The following XKR6 variants were observed in gnomAD, a reference collection of about 807,000 sequenced individuals.
XKR6 encodes XK-related protein 6.
In XKR6, 22 loss-of-function variants were observed where a neutral mutation model predicts 56.7. The observed-to-expected ratio is 0.39, with a 90% CI of 0.28 to 0.55. XKR6 has a LOEUF of 0.55. Ranked by LOEUF, XKR6 falls within the 20% of genes least tolerant of loss-of-function variation. The pLI is 0.66. For missense variants in XKR6, 852 were observed against 889.0 expected (o/e 0.96, Z 0.53); for synonymous variants, 524 against 387.8 (o/e 1.35, Z -4.13).
chr8:11,050,431 C>G (rs955571106), intron 1 of XKR6, among the ~76,000 whole-genome samples: 3 of 152,076 alleles, frequency 2.0e-5, no homozygotes, highest in African/African-American at 7.2e-5. Flanking sequence ...CCAGCTCCGA[C>G]AGTCTACAAC....
intron 1 of XKR6, among the ~76,000 whole-genome samples, chr8:11,014,916 C>T (rs1798584298): frequency 6.6e-6 from 1 of 152,214 alleles, no homozygotes; most frequent in Non-Finnish European, 1.5e-5. Context: ...GAGAGAAAAG[C>T]TATGTCTTCA....
At chr8:10,961,638 A>G (rs1368966112) in intron 1 of XKR6, among the ~76,000 whole-genome samples, 3 of 152,238 alleles carry the variant, frequency 2.0e-5, no homozygotes, top group Admixed American at 6.5e-5. Context: ...CAGACCCAGC[A>G]CACCTCCAGC....
chr8:11,194,499 TAAG>T (rs1346950975), intron 1 of XKR6: 1 of 152,180 alleles, frequency 6.6e-6, no homozygotes. Context: ...AAGAGGCAAA[TAAG>T]AAATCCAGAA....
intron 1 of XKR6, among the ~76,000 whole-genome samples, chr8:11,121,166 C>G (rs1799437267): frequency 6.6e-6 from 1 of 152,134 alleles, no homozygotes; most frequent in Non-Finnish European, 1.5e-5. Context: ...GCAATGGCAA[C>G]AAAAGCCAAA....
chr8:11,105,970 A>C (rs553053341), intron 1 of XKR6: 1 of 152,378 alleles, frequency 6.6e-6, no homozygotes, highest in Admixed American at 6.5e-5. Context: ...GCTTTTAAAT[A>C]ATTAGGCCAC....
Position 11,201,791 on chromosome 8 carries a change from C to T in XKR6, c.-452G>A, listed in dbSNP as rs534611880. Among the ~76,000 whole-genome samples the T allele has an allele frequency of 1.2e-4, 18 of 152,220 alleles. No individual in the cohort carries two copies. Among genetic ancestry groups the T allele is most frequent in the African/African-American group, 3.6e-4 (15 of 41,536 alleles). ...GACGTTTTGGGGTCCCCTTCCTCAGCGTCGCAGCTCACAGCTTTCCTCCTG... is the reference window on the plus strand; with the variant it reads ...GACGTTTTGGGGTCCCCTTCCTCAGTGTCGCAGCTCACAGCTTTCCTCCTG... On this transcript the variant is annotated 5_prime_UTR_variant, in exon 1 of 3. Coordinates refer to ENST00000416569, the MANE Select transcript of XKR6 (RefSeq NM_173683.4).
intron 1 of XKR6, among the ~76,000 whole-genome samples, chr8:11,082,566 T>G (rs1797761066): frequency 6.6e-6 from 1 of 152,226 alleles, no homozygotes; most frequent in Admixed American, 6.5e-5. Flanking sequence ...ACATGCTTCT[T>G]TGAGGTGGCG....
In XKR6 at chr8:10,929,911, G is replaced by A. The variant is rs116938487; in HGVS notation, c.765-5081C>T. 3.6e-3 allele frequency among the ~76,000 whole-genome samples: 554 copies of A among 152,298 alleles called. 4 individuals carry two copies. Among genetic ancestry groups the A allele is most frequent in the Non-Finnish European group, 5.3e-3 (361 of 68,028 alleles). On this transcript the variant is annotated intron_variant, in intron 1 of 2. Transcript: ENST00000416569. ...TCCTTTCCTTACTTTGTAAGCCATG[G>A]AATTGTTTAAAGCTCCTGTTCCCTC...
At chr8:10,902,806 C>A (rs1468253000) in intron 2 of XKR6, among the ~76,000 whole-genome samples, 2 of 152,216 alleles carry the variant, frequency 1.3e-5, no homozygotes, top group African/African-American at 4.8e-5. Context: ...GCCTGCCCCT[C>A]TCTCTCTGCC....
chr8:11,069,981 C>G (rs1049044987), intron 1 of XKR6, among the ~76,000 whole-genome samples: 4 of 152,202 alleles, frequency 2.6e-5, no homozygotes, highest in African/African-American at 7.2e-5. Context: ...GACTTCCGCC[C>G]TTCTGCAGGC....
At chr8:10,980,831 T>A (rs2129137286) in intron 1 of XKR6, among the ~76,000 whole-genome samples, 1 of 152,322 alleles carries the variant, frequency 6.6e-6, no homozygotes, top group East Asian at 1.9e-4. Context: ...GGATCATGAA[T>A]AATGGATTAT....
chr8:11,160,893 C>A (rs1305044045), intron 1 of XKR6, among the ~76,000 whole-genome samples: 2 of 108,078 alleles, frequency 1.9e-5, no homozygotes, highest in Admixed American at 1.4e-4. Flanking sequence ...GCCTGGGCAA[C>A]AGAACGAGAC....
At chr8:11,166,446 T>C (rs1802076478) in intron 1 of XKR6, among the ~76,000 whole-genome samples, 1 of 152,168 alleles carries the variant, frequency 6.6e-6, no homozygotes, top group Non-Finnish European at 1.5e-5. Flanking sequence ...GGCCGTTGCT[T>C]ATAGACAACC....
intron 1 of XKR6, among the ~76,000 whole-genome samples, chr8:11,126,257 CG>C (rs1177266913): frequency 6.6e-6 from 1 of 151,898 alleles, no homozygotes; most frequent in Non-Finnish European, 1.5e-5. Flanking sequence ...TTAGTAAAGA[CG>C]GGGTTCACTA....
intron 1 of XKR6, among the ~76,000 whole-genome samples, chr8:11,017,474 G>C (rs1393945502): frequency 6.6e-6 from 1 of 151,948 alleles, no homozygotes; most frequent in Non-Finnish European, 1.5e-5. Context: ...TTTGAGCGCA[G>C]CTCCAGGGCT....
chr8:10,924,412 G>A (rs960300925), intron 2 of XKR6, among the ~76,000 whole-genome samples: 2 of 152,270 alleles, frequency 1.3e-5, no homozygotes, highest in Admixed American at 1.3e-4. Context: ...AAGTGGCCTG[G>A]AGGTGCCAAG....
At chr8:11,127,444 A>G (rs1010530839) in intron 1 of XKR6, among the ~76,000 whole-genome samples, 1 of 152,276 alleles carries the variant, frequency 6.6e-6, no homozygotes, top group Non-Finnish European at 1.5e-5. Flanking sequence ...AAACTAAGAT[A>G]AATTATAGTT....
Position 11,200,552 on chromosome 8 carries a change from G to T in XKR6, c.764+24C>A. 2 of 1,433,792 alleles carry T rather than the reference G, an allele frequency of 1.4e-6. No individual in the cohort carries two copies. The highest frequency in any genetic ancestry group is 2.2e-4 in the Middle Eastern group (1 of 4,632). 88.8% of individuals were successfully genotyped at this position (1,433,792 alleles called of 1,614,324 possible). On this transcript the variant is annotated intron_variant, in intron 1 of 2. Transcript: ENST00000416569. This position sits in a 1 kb window ranked among gnomAD's most constrained non-coding sequence, Gnocchi z 6.4. ...GAGGGGGGCTCCTCAGGGCCGGCCC[G>T]CCCCCACCCCGCAGTGCTCTTACCT...
intron 1 of XKR6, among the ~76,000 whole-genome samples, chr8:10,999,894 G>C (rs1563337422): frequency 6.6e-6 from 1 of 152,202 alleles, no homozygotes; most frequent in Non-Finnish European, 1.5e-5. Flanking sequence ...CCAACTAGGA[G>C]AGCACCAGTG....
Sources: allele counts gnomAD v4.1 joint callset (sites outside exome capture counted in the v4.1 genomes callset), GRCh38; gene constraint gnomAD v4.1.1; non-coding constraint Gnocchi (gnomAD v3.1); transcripts MANE v1.5; gene names NCBI Gene and HGNC (gene_info 2026-07-23, HGNC 2026-07-21).